Variants in DIAPH2 observed in about 807,000 individuals in gnomAD.
The protein encoded by DIAPH2 is diaphanous related formin 2.
In DIAPH2, 35 loss-of-function variants were observed where a neutral mutation model predicts 92.7. The ratio of observed to expected loss-of-function variants is 0.38; its 90% confidence interval spans 0.29 to 0.50. The LOEUF is 0.50. DIAPH2 is among the 20% of genes least tolerant of loss of function. The pLI is 0.94. For missense variants in DIAPH2, 701 were observed against 819.5 expected (o/e 0.86, Z 1.77); for synonymous variants, 301 against 280.4 (o/e 1.07, Z -0.73).
At chrX:96,775,753 G>A (rs2064373602) in intron 4 of DIAPH2, among the ~76,000 whole-genome samples, 1 of 110,935 alleles carries the variant, frequency 9.0e-6, no homozygotes, top group Non-Finnish European at 1.9e-5. Context: ...GTGATTGGGG[G>A]TAAAACACAC....
At chrX:97,026,457 G>A (rs1370883888) in intron 17 of DIAPH2, among the ~76,000 whole-genome samples, 1 of 112,333 alleles carries the variant, frequency 8.9e-6, no homozygotes, top group Non-Finnish European at 1.9e-5. Flanking sequence ...TTATTTTGCA[G>A]TACATCTGAG....
chrX:97,071,758 G>A (rs1046600693), intron 17 of DIAPH2, among the ~76,000 whole-genome samples: 45 of 111,885 alleles, frequency 4.0e-4, no homozygotes, highest in African/African-American at 1.3e-3. Context: ...AAGTAAAAGT[G>A]TACTGTGGTT....
intron 24 of DIAPH2, among the ~76,000 whole-genome samples, chrX:97,367,123 A>G (rs2069388350): frequency 8.9e-6 from 1 of 111,886 alleles, no homozygotes; most frequent in Admixed American, 9.6e-5. Flanking sequence ...ATCCCTTTAT[A>G]CCAATAAATA....
intron 22 of DIAPH2, among the ~76,000 whole-genome samples, chrX:97,228,306 T>TAGG (rs1206414871): frequency 8.9e-6 from 1 of 111,755 alleles, no homozygotes; most frequent in East Asian, 2.8e-4. Context: ...TCCTAATACT[T>TAGG]AAACTTTAGC....
intron 23 of DIAPH2, among the ~76,000 whole-genome samples, chrX:97,314,705 A>G (rs2068826645): frequency 8.9e-6 from 1 of 111,810 alleles, no homozygotes; most frequent in African/African-American, 3.2e-5. Flanking sequence ...TGAATTTATG[A>G]GGCAAATAGA....
intron 22 of DIAPH2, among the ~76,000 whole-genome samples, chrX:97,210,452 C>T (rs1329741179): frequency 1.8e-5 from 2 of 111,322 alleles, no homozygotes; most frequent in Non-Finnish European, 3.8e-5. Flanking sequence ...AGTACATACC[C>T]GAAGCTAGAA....
chrX:96,713,187 A>T (rs902722887), intron 1 of DIAPH2, among the ~76,000 whole-genome samples: 6 of 111,640 alleles, frequency 5.4e-5, no homozygotes, highest in Non-Finnish European at 9.4e-5. Flanking sequence ...TTTCTTGTGT[A>T]CCTTTGTTCC....
intron 22 of DIAPH2, among the ~76,000 whole-genome samples, chrX:97,161,051 G>GT (rs533317066): frequency 0.29 from 26,057 of 88,792 alleles, 3,811 homozygotes; most frequent in East Asian, 0.59. Flanking sequence ...TTGTTTTTTT[G>GT]TTTTTTTTTT....
intron 21 of DIAPH2, among the ~76,000 whole-genome samples, chrX:97,118,698 G>A (rs2067032977): frequency 8.9e-6 from 1 of 111,954 alleles, no homozygotes; most frequent in African/African-American, 3.2e-5. Context: ...AATGGCCACT[G>A]AGATTAGCAG....
At chrX:97,339,341 C>T (rs953462607) in intron 23 of DIAPH2, among the ~76,000 whole-genome samples, 19 of 109,735 alleles carry the variant, frequency 1.7e-4, no homozygotes, top group Non-Finnish European at 2.1e-4. Flanking sequence ...ATGATGAAAC[C>T]CCATCTCTAC....
At chrX:97,359,450 G>C (rs186233657) in intron 24 of DIAPH2, among the ~76,000 whole-genome samples, 2 of 109,315 alleles carry the variant, frequency 1.8e-5, no homozygotes, top group Admixed American at 2.0e-4. Flanking sequence ...ATATATGTGT[G>C]TGTGTGTGCG....
chrX:96,983,234 G>A (rs906270560), intron 17 of DIAPH2, among the ~76,000 whole-genome samples: 1 of 110,906 alleles, frequency 9.0e-6, no homozygotes. Flanking sequence ...ATCCATATTT[G>A]CTTAATATTT....
intron 1 of DIAPH2, among the ~76,000 whole-genome samples, chrX:96,689,622 C>T (rs2063789110): frequency 9.1e-6 from 1 of 110,219 alleles, no homozygotes; most frequent in Non-Finnish European, 1.9e-5. Context: ...TCTGAAATGG[C>T]CACCCCTTTC....
At chrX:97,052,123 C>G (rs1055267815) in intron 17 of DIAPH2, among the ~76,000 whole-genome samples, 6 of 110,840 alleles carry the variant, frequency 5.4e-5, no homozygotes, top group African/African-American at 1.6e-4. Context: ...CATGAAAGTC[C>G]TAAAAGTGAA....
intron 25 of DIAPH2, among the ~76,000 whole-genome samples, chrX:97,393,756 A>G (rs1290802978): frequency 8.9e-6 from 1 of 112,172 alleles, no homozygotes; most frequent in Non-Finnish European, 1.9e-5. Context: ...AAAATCTTAG[A>G]GGAAGCAATA....
intron 20 of DIAPH2, among the ~76,000 whole-genome samples, chrX:97,106,807 C>T (rs944589889): frequency 8.1e-5 from 9 of 111,598 alleles, no homozygotes; most frequent in Admixed American, 5.7e-4. Context: ...TGGCGGGTGC[C>T]TGTAATTCCA....
chrX:97,365,792 A>G (rs1333772604), intron 24 of DIAPH2, among the ~76,000 whole-genome samples: 1 of 102,663 alleles, frequency 9.7e-6, no homozygotes, highest in Non-Finnish European at 2.0e-5. Flanking sequence ...TGCAATCTCC[A>G]CCTCCTGGGT....
At chrX:96,722,272 GC>G (rs1311465267) in intron 1 of DIAPH2, among the ~76,000 whole-genome samples, 4 of 110,562 alleles carry the variant, frequency 3.6e-5, no homozygotes, top group Non-Finnish European at 7.6e-5. Context: ...CAGGAGAATT[GC>G]TTGAACCTGG....
In DIAPH2 at chrX:97,284,111, G is replaced by C. The variant is rs770304212; in HGVS notation, c.2844+36272G>C. The stretch of plus-strand genomic sequence containing the variant: ...GTATGTCTGGGGAGTTCTGGGATGA[G>C]GGGCTAGTGCAGCTAGGACAGAAGT... On this transcript the variant is annotated intron_variant, in intron 23 of 26. Transcript: ENST00000324765. Among the ~76,000 whole-genome samples, 5 of 111,823 alleles carry C rather than the reference G, an allele frequency of 4.5e-5. No homozygotes were observed. The Admixed American group carries it at 4.8e-4, about 11-fold the overall frequency.
Sources: allele counts gnomAD v4.1 joint callset (sites outside exome capture counted in the v4.1 genomes callset), GRCh38; gene constraint gnomAD v4.1.1; transcripts MANE v1.5; gene names NCBI Gene and HGNC (gene_info 2026-07-23, HGNC 2026-07-21).